DIXDC1: variants seen among roughly 807,000 people sequenced by gnomAD.
DIXDC1 encodes the protein dixin.
DIXDC1 carries 64 observed loss-of-function variants against 103.1 expected under a neutral mutation model. The ratio of observed to expected loss-of-function variants is 0.62; its 90% CI spans 0.51 to 0.76. DIXDC1 has a LOEUF of 0.76. Among genes scored for constraint, DIXDC1 ranks in the 30% least tolerant of loss-of-function variants. The probability of loss-of-function intolerance (pLI) is 0.00; values close to 1 mark genes in which losing one functional copy is unlikely to be tolerated. For synonymous variants in DIXDC1, 266 were observed against 298.5 expected (o/e 0.89, Z 1.12); for missense variants, 759 against 834.2 (o/e 0.91, Z 1.11).
At position 111,977,159 on chromosome 11, in the gene DIXDC1, C is replaced by CCTCCA. The variant is rs1264963096; in HGVS notation, c.656+2178_656+2182dup. Reference sequence around the variant, plus strand: ...CCCCTCGTCGACGTCCCCACCCCCACCTCCACCCCGCCCAGCCCCGCCCCT... The same window carrying CCTCCA: ...CCCCTCGTCGACGTCCCCACCCCCACCTCCACTCCACCCCGCCCAGCCCCGCCCCT... On this transcript the variant is annotated intron_variant, in intron 5 of 19. Coordinates refer to ENST00000440460, the MANE Select transcript of DIXDC1 (RefSeq NM_001037954.4). This position sits in a 1 kb window ranked among gnomAD's most constrained non-coding sequence, Gnocchi z 6.1. 1 of 680,602 alleles carries CCTCCA rather than the reference C, an allele frequency of 1.5e-6. No individual in the cohort carries two copies. The highest frequency in any genetic ancestry group is 6.3e-5 in the Admixed American group (1 of 15,914). The allele number at this position is 680,602 out of a possible 1,614,324, so 42.2% of individuals were successfully genotyped here. A position where few individuals can be genotyped will look rare whatever the true frequency, so the allele number is the denominator to read the frequency against.
rs1566501374 is a variant in DIXDC1 at position 111,968,497 on chromosome 11, TTC to T, written c.191-9_191-8del. On this transcript the variant is annotated splice_polypyrimidine_tract_variant and intron_variant, in intron 2 of 19. Transcript: ENST00000440460. Reference sequence around the variant, plus strand: ...ATTCCTCCCTATAACTTCCTATATTTTCTCTCTCCTAACAGCAGGAGAAAAGC... The same window carrying T: ...ATTCCTCCCTATAACTTCCTATATTTTCTCTCCTAACAGCAGGAGAAAAGC... 5.0e-6 allele frequency: 8 copies of T among 1,610,580 alleles called. No homozygotes were observed. In the East Asian group the frequency reaches 1.8e-4, roughly 36 times the overall value.
At chr11:111,968,880 T>G (rs189833131) in intron 3 of DIXDC1, among the ~76,000 whole-genome samples, 1 of 152,128 alleles carries the variant, frequency 6.6e-6, no homozygotes, top group Admixed American at 6.5e-5. Flanking sequence ...GTTCAAGTGA[T>G]TCTCCTGCCT....
chr11:111,951,273 A>G (rs1420298754), intron 1 of DIXDC1, among the ~76,000 whole-genome samples: 1 of 152,200 alleles, frequency 6.6e-6, no homozygotes, highest in Non-Finnish European at 1.5e-5. Flanking sequence ...TTAAGGAATT[A>G]TTCCTCAAAA....
Position 111,974,203 on chromosome 11 carries a change from T to C in DIXDC1, c.497T>C (p.Val166Ala). 1.9e-6 allele frequency: 3 copies of C among 1,613,974 alleles called. No homozygotes were observed. The highest frequency in any genetic ancestry group is 1.1e-5 in the South Asian group (1 of 91,068). The change falls in exon 4 of 20, where the codon GTG becomes GCG. Residue 166 changes from valine (V) to alanine (A), a missense_variant. Physicochemically the swap from Val to Ala is moderately conservative, Grantham distance 64. Transcript: ENST00000440460. ...AQGAAAALADVCHDMSRSGRD... is the reference protein window; with the variant it reads ...AQGAAAALADACHDMSRSGRD... ...GGAGCAGCTGCTGCTCTGGCCGATG[T>C]GTGTCATGACATGTCCCGATCAGGA...
intron 6 of DIXDC1, among the ~76,000 whole-genome samples, chr11:111,981,063 C>T (rs1188001746): frequency 1.3e-5 from 2 of 150,454 alleles, no homozygotes; most frequent in Admixed American, 1.3e-4. Context: ...AAAAATCTTG[C>T]AGCAGCATAG....
intron 10 of DIXDC1, 102 bp downstream of exon 10, chr11:111,989,157 C>T (rs1017150316): frequency 2.2e-6 from 2 of 902,598 alleles, no homozygotes; most frequent in Non-Finnish European, 3.3e-6. Flanking sequence ...CCTTTAATAG[C>T]TCTGTGCTAT....
chr11:112,001,698 G>GGT (rs1335631572), intron 17 of DIXDC1, among the ~76,000 whole-genome samples: 1 of 151,944 alleles, frequency 6.6e-6, no homozygotes, highest in African/African-American at 2.4e-5. Context: ...GCTCACTTGT[G>GGT]GTAGACCCTG....
At chr11:111,973,363 A>C (rs1159637699) in intron 3 of DIXDC1, among the ~76,000 whole-genome samples, 2 of 151,652 alleles carry the variant, frequency 1.3e-5, no homozygotes, top group East Asian at 3.9e-4. Context: ...CAAGAGTGAA[A>C]CTCCATCTCA....
chr11:111,948,832 C>T lies in DIXDC1; in HGVS notation c.60+11273C>T, dbSNP rs3867468. Among the ~76,000 whole-genome samples the T allele has an allele frequency of 2.8e-3, 432 of 152,292 alleles. 1 individual carries two copies. Among genetic ancestry groups the T allele is most frequent in the East Asian group, 3.9e-3 (20 of 5,182 alleles). On this transcript the variant is annotated intron_variant, in intron 1 of 19. Transcript: ENST00000440460. ...TCCCACCTCCGCACTTCCCCACACT[C>T]CTGATCAGAGGACGCAGCTCTTTTC...
intron 9 of DIXDC1, among the ~76,000 whole-genome samples, chr11:111,987,217 C>T (rs113395641): frequency 6.6e-6 from 1 of 151,524 alleles, no homozygotes; most frequent in African/African-American, 2.4e-5. Context: ...GCCACTACAC[C>T]CCAGCCTGGG....
At chr11:112,014,925 C>T (rs1274780389) in intron 17 of DIXDC1, among the ~76,000 whole-genome samples, 4 of 151,432 alleles carry the variant, frequency 2.6e-5, no homozygotes, top group African/African-American at 9.7e-5. Context: ...CACTTTGTCA[C>T]CAAGGCTGGA....
rs1555177873 is a variant in DIXDC1, at chr11:112,017,370, T to G, written c.1863-407T>G. Among the ~76,000 whole-genome samples the G allele has an allele frequency of 6.6e-6, 1 of 152,230 alleles. No homozygotes were observed. The highest frequency in any genetic ancestry group is 2.1e-4 in the South Asian group (1 of 4,836). ...GGGTTAGAAGCCAGCTTCCTAAAGA[T>G]AGAGGGATAAAGATCATGATACTTG... On this transcript the variant is annotated intron_variant, in intron 18 of 19. Transcript: ENST00000440460. This position sits in a 1 kb window ranked among gnomAD's most constrained non-coding sequence, Gnocchi z 4.0.
At chr11:111,943,142 T>G (rs1325343065) in intron 1 of DIXDC1, among the ~76,000 whole-genome samples, 1 of 152,170 alleles carries the variant, frequency 6.6e-6, no homozygotes, top group South Asian at 2.1e-4. Context: ...TGATTTCAAT[T>G]TATTTATTTT....
chr11:111,968,469 A>G lies in DIXDC1; in HGVS notation c.191-44A>G, dbSNP rs587644242. 4.9e-5 allele frequency: 78 copies of G among 1,594,394 alleles called. No individual in the cohort carries two copies. In the South Asian group the frequency reaches 8.6e-4, roughly 18 times the overall value. ...TGTCTAGCTGCTATGAAACTTTGAT[A>G]ATATTCCTCCCTATAACTTCCTATA... On this transcript the variant is annotated intron_variant, in intron 2 of 19. Coordinates refer to ENST00000440460, the MANE Select transcript of DIXDC1 (RefSeq NM_001037954.4).
Position 111,977,573 on chromosome 11 carries a change from G to C in DIXDC1, c.656+2590G>C. The C allele has an allele frequency of 6.7e-7, 1 of 1,496,136 alleles. No homozygotes were observed. The allele number at this position is 1,496,136 out of a possible 1,614,324, so 92.7% of individuals were successfully genotyped here. A position where few individuals can be genotyped will look rare whatever the true frequency, so the allele number is the denominator to read the frequency against. The stretch of plus-strand genomic sequence containing the variant: ...GAGCCTGGAGCATCCCAGTCGCTGG[G>C]GCCGAGACGCCGCCGCCGCCGCCGT... On this transcript the variant is annotated intron_variant, in intron 5 of 19. Transcript: ENST00000440460. This position sits in a 1 kb window ranked among gnomAD's most constrained non-coding sequence, Gnocchi z 6.1.
chr11:112,000,707 A>C (rs112369242), intron 17 of DIXDC1, among the ~76,000 whole-genome samples: 6 of 152,220 alleles, frequency 3.9e-5, no homozygotes, highest in African/African-American at 1.4e-4. Context: ...AAAAAAAAAA[A>C]AGGGCCAATA....
intron 1 of DIXDC1, among the ~76,000 whole-genome samples, chr11:111,943,816 T>C (rs952032307): frequency 2.5e-4 from 38 of 152,210 alleles, no homozygotes; most frequent in African/African-American, 8.9e-4. Flanking sequence ...TGGAATTTTC[T>C]ATTTAATATA....
rs1859476634 is a variant in DIXDC1 at position 111,958,819 on chromosome 11, A to G, written c.61-5730A>G. 6.6e-6 allele frequency among the ~76,000 whole-genome samples: 1 copy of G among 152,158 alleles called. No individual in the cohort carries two copies. Among genetic ancestry groups the G allele is most frequent in the African/African-American group, 2.4e-5 (1 of 41,448 alleles). ...CTTCCTCCCCTTTGAAGCCCATCAAAACCCCAGACTCAACCAGACTTGGAA... is the reference window on the plus strand; with the variant it reads ...CTTCCTCCCCTTTGAAGCCCATCAAGACCCCAGACTCAACCAGACTTGGAA... On this transcript the variant is annotated intron_variant, in intron 1 of 19. Transcript: ENST00000440460. The surrounding 1 kb of genome is among the most constrained non-coding windows in gnomAD (Gnocchi z 4.2).
At position 112,021,435 on chromosome 11, in the gene DIXDC1, T is replaced by A. The variant is rs1203948474; in HGVS notation, c.*2399T>A. ...CTGAGCAGAAGTATGCAAGACTGATTCTGTTTGGAACAGTTTCCTATTTGG... is the reference window on the plus strand; with the variant it reads ...CTGAGCAGAAGTATGCAAGACTGATACTGTTTGGAACAGTTTCCTATTTGG... On this transcript the variant is annotated 3_prime_UTR_variant, in exon 20 of 20. Coordinates refer to ENST00000440460, the MANE Select transcript of DIXDC1 (RefSeq NM_001037954.4). 6.6e-6 allele frequency: 1 copy of A among 152,126 alleles called. No homozygotes were observed. The highest frequency in any genetic ancestry group is 2.4e-5 in the African/African-American group (1 of 41,432). The allele number at this position is 152,126 out of a possible 1,614,324, so 9.4% of individuals were successfully genotyped here.
Sources: gnomAD v4.1 joint callset for allele counts (sites outside exome capture counted in the v4.1 genomes callset) on GRCh38, gnomAD v4.1.1 for gene constraint, Gnocchi (gnomAD v3.1) non-coding constraint, MANE v1.5 for transcripts, NCBI Gene and HGNC (gene_info 2026-07-23, HGNC 2026-07-21) for gene names.